The following MAP3K20 variants were observed in gnomAD, a reference collection of about 807,000 sequenced individuals.
MAP3K20 encodes mitogen-activated protein kinase kinase kinase 20.
In MAP3K20, 40 loss-of-function variants were observed where a neutral mutation model predicts 85.7. The observed-to-expected ratio is 0.47, with a 90% confidence interval of 0.36 to 0.61. The LOEUF is 0.61. Among genes scored for constraint, MAP3K20 ranks in the 20% least tolerant of loss-of-function variants. MAP3K20 has a pLI of 0.00. For synonymous variants in MAP3K20, 325 were observed against 327.7 expected (o/e 0.99, Z 0.09); for missense variants, 817 against 961.7 (o/e 0.85, Z 1.99).
At chr2:173,238,331 T>G in intron 14 of MAP3K20, 42 bp from the exon 15 acceptor site, 1 of 1,538,626 alleles carries the variant, frequency 6.5e-7, no homozygotes. Flanking sequence ...CTTCTCTTGG[T>G]ATTACTGGAT....
At chr2:173,115,484 AGCCTT>A (rs1468576701) in intron 2 of MAP3K20, among the ~76,000 whole-genome samples, 1 of 151,942 alleles carries the variant, frequency 6.6e-6, no homozygotes, top group Non-Finnish European at 1.5e-5. Flanking sequence ...GGTGTTGAAG[AGCCTT>A]GTTTTCTTAT....
chr2:173,144,243 C>A (rs1689060449), intron 2 of MAP3K20, among the ~76,000 whole-genome samples: 1 of 151,894 alleles, frequency 6.6e-6, no homozygotes. Flanking sequence ...GTGGGCAGAT[C>A]ACAAGGTCAC....
chr2:173,168,414 A>G (rs1689901477), intron 2 of MAP3K20, among the ~76,000 whole-genome samples: 1 of 152,220 alleles, frequency 6.6e-6, no homozygotes, highest in Non-Finnish European at 1.5e-5. Flanking sequence ...TCAATTTCAT[A>G]TTGACCCTAT....
chr2:173,121,391 A>T (rs1688281785), intron 2 of MAP3K20, among the ~76,000 whole-genome samples: 1 of 151,972 alleles, frequency 6.6e-6, no homozygotes, highest in African/African-American at 2.4e-5. Context: ...GGGAAAGCAA[A>T]TTCTTTTTGT....
chr2:173,089,639 G>A (rs1291204834), intron 1 of MAP3K20, among the ~76,000 whole-genome samples: 1 of 151,534 alleles, frequency 6.6e-6, no homozygotes, highest in Non-Finnish European at 1.5e-5. Context: ...CTGGAGTGCA[G>A]TGGCACTATC....
intron 16 of MAP3K20, among the ~76,000 whole-genome samples, chr2:173,242,350 G>T (rs1295358613): frequency 6.6e-6 from 1 of 151,922 alleles, no homozygotes. Flanking sequence ...TGTATTTTTA[G>T]TAGAGACAGG....
intron 2 of MAP3K20, among the ~76,000 whole-genome samples, chr2:173,109,767 A>C (rs151278257): frequency 6.6e-6 from 1 of 152,314 alleles, no homozygotes; most frequent in East Asian, 1.9e-4. Flanking sequence ...GTCTACAAAC[A>C]AAAAGTCTTC....
intron 2 of MAP3K20, among the ~76,000 whole-genome samples, chr2:173,096,248 C>T (rs1687455994): frequency 6.6e-6 from 1 of 152,114 alleles, no homozygotes; most frequent in South Asian, 2.1e-4. Flanking sequence ...AATGTAAATA[C>T]CACATGACCC....
Position 173,203,803 on chromosome 2 carries a change from C to A in MAP3K20, c.677C>A (p.Thr226Asn). ...TCCCTCTGTCTATTGTAGAGATTAA[C>A]CATTCCAAGCAGTTGCCCCAGAAGT... is the stretch of plus-strand genomic sequence containing the variant. ...WLVVEKNERL[T>N]IPSSCPRSFA... The change falls in exon 9 of 20, where the codon ACC becomes AAC. Residue 226 changes from threonine to asparagine, a missense_variant. Thr to Asn is a moderately conservative substitution (Grantham distance 65, BLOSUM62 0). This residue lies in a region of MAP3K20 where 200 missense variants were observed against 302.7 expected (regional missense o/e 0.66). Coordinates refer to ENST00000375213, the MANE Select transcript of MAP3K20 (RefSeq NM_016653.3). 1 of 1,613,364 alleles carries A rather than the reference C, an allele frequency of 6.2e-7. No homozygotes were observed. The highest frequency in any genetic ancestry group is 1.1e-5 in the South Asian group (1 of 91,078).
chr2:173,219,732 CAAG>C (rs1204700363), intron 11 of MAP3K20, among the ~76,000 whole-genome samples: 1 of 152,042 alleles, frequency 6.6e-6, no homozygotes, highest in Non-Finnish European at 1.5e-5. Context: ...CCCAAAAGAA[CAAG>C]CTACTTTTCA....
chr2:173,125,886 T>G (rs984765223), intron 2 of MAP3K20, among the ~76,000 whole-genome samples: 1 of 152,036 alleles, frequency 6.6e-6, no homozygotes, highest in Non-Finnish European at 1.5e-5. Flanking sequence ...ATGGTCTCGA[T>G]CTCCTGACCT....
At chr2:173,225,784 C>T (rs1278230615) in intron 11 of MAP3K20, 2 of 984,936 alleles carry the variant, frequency 2.0e-6, no homozygotes, top group East Asian at 2.3e-4. Flanking sequence ...AGTTTCGTGG[C>T]TTTATCTTAA....
chr2:173,187,489 CTA>C, intron 4 of MAP3K20, 67 bp from the exon 5 acceptor site: 1 of 1,342,294 alleles, frequency 7.4e-7, no homozygotes. Context: ...CTTTGAAAAA[CTA>C]TGAAAGGTAA....
chr2:173,090,301 G>A lies in MAP3K20; in HGVS notation c.-34-697G>A, dbSNP rs577551778. ...CTGGGAGGGGTAATACGTTTCTTTG[G>A]AAACAAGCATAATATTTTTTAACGT... On this transcript the variant is annotated intron_variant, in intron 1 of 19. Transcript: ENST00000375213. Among the ~76,000 whole-genome samples, 3 of 152,280 alleles carry A rather than the reference G, an allele frequency of 2.0e-5. No homozygotes were observed. In the South Asian group the frequency reaches 6.2e-4, roughly 32 times the overall value.
chr2:173,266,003 C>G, intron 19 of MAP3K20, 47 bp from the exon 20 acceptor site: 1 of 1,514,464 alleles, frequency 6.6e-7, no homozygotes, highest in Non-Finnish European at 8.9e-7. Flanking sequence ...ATTAGACATG[C>G]AGCTTTAGTG....
chr2:173,158,429 AAAATC>A (rs1455614604), intron 2 of MAP3K20, among the ~76,000 whole-genome samples: 1 of 152,208 alleles, frequency 6.6e-6, no homozygotes, highest in Non-Finnish European at 1.5e-5. Context: ...TAAGCTTGAG[AAAATC>A]AAATCAAAGA....
At chr2:173,207,761 C>T (rs1032484412) in intron 9 of MAP3K20, 7 of 150,618 alleles carry the variant, frequency 4.6e-5, no homozygotes, top group Non-Finnish European at 5.9e-5. Flanking sequence ...TATGTGATGC[C>T]TAAAAGGAAC....
intron 2 of MAP3K20, among the ~76,000 whole-genome samples, chr2:173,159,400 TTC>T (rs1491435789): frequency 5.3e-4 from 32 of 60,054 alleles, no homozygotes; most frequent in East Asian, 4.2e-3. Context: ...CCTTCCTTCC[TTC>T]TTTTTTTTTT....
chr2:173,191,237 GAAGA>G, intron 7 of MAP3K20, 60 bp downstream of exon 7: 2 of 1,598,134 alleles, frequency 1.3e-6, no homozygotes, highest in Non-Finnish European at 1.7e-6. Context: ...ACACTCAAAA[GAAGA>G]GAGATACAGT....
Sources: gnomAD v4.1 joint callset for allele counts (sites outside exome capture counted in the v4.1 genomes callset) on GRCh38, gnomAD v4.1.1 for gene constraint, gnomAD v4.1.1 regional missense constraint, MANE v1.5 for transcripts, NCBI Gene and HGNC (gene_info 2026-07-23, HGNC 2026-07-21) for gene names.